UBXN11: variants seen among roughly 807,000 people sequenced by gnomAD.
UBXN11 encodes UBX domain protein 11.
In UBXN11, 47 loss-of-function variants were observed where a neutral mutation model predicts 62.8. That is an observed-to-expected ratio of 0.75 (90% CI 0.59 to 0.95). The LOEUF is 0.95. UBXN11 is among the 40% of genes least tolerant of loss of function. UBXN11 has a pLI of 0.00. For synonymous variants in UBXN11, 294 were observed against 267.0 expected (o/e 1.10, Z -0.99); for missense variants, 638 against 661.7 (o/e 0.96, Z 0.39).
chr1:26,317,134 G>A (rs576784194), intron 1 of UBXN11, among the ~76,000 whole-genome samples: 5 of 151,518 alleles, frequency 3.3e-5, no homozygotes, highest in South Asian at 4.2e-4. Flanking sequence ...CCAGCTATGC[G>A]GGAGGCCAAG....
intron 4 of UBXN11, among the ~76,000 whole-genome samples, chr1:26,300,710 G>C (rs1025266906): frequency 1.3e-5 from 2 of 152,174 alleles, no homozygotes; most frequent in African/African-American, 4.8e-5. Flanking sequence ...CCTGGCCTGG[G>C]GCTGGGGCTG....
chr1:26,284,848 C>T, intron 10 of UBXN11: 1 of 1,032,912 alleles, frequency 9.7e-7, no homozygotes, highest in South Asian at 4.0e-5. Flanking sequence ...ACCTCACTTG[C>T]CTTATCAAGG....
chr1:26,302,891 C>T lies in UBXN11; in HGVS notation c.-8G>A. ...GGCCAAAGGTGAGCTCATAGTTCTA[C>T]TTCTAGAATCCAGCTGTCAGGAACT... On this transcript the variant is annotated 5_prime_UTR_variant, in exon 2 of 15. Transcript: ENST00000374222. 1 of 1,613,564 alleles carries T rather than the reference C, an allele frequency of 6.2e-7. No individual in the cohort carries two copies. Among genetic ancestry groups the T allele is most frequent in the Non-Finnish European group, 8.5e-7 (1 of 1,179,652 alleles).
chr1:26,301,398 ATCTCTTGGCCC>A (rs938488666), intron 3 of UBXN11, among the ~76,000 whole-genome samples: 23 of 152,218 alleles, frequency 1.5e-4, no homozygotes, highest in African/African-American at 5.3e-4. Flanking sequence ...GGGCTGGGTA[ATCTCTTGGCCC>A]TCACTTGGTT....
chr1:26,294,413 C>G (rs1190703151), intron 7 of UBXN11, 82 bp from the exon 8 acceptor site: 1 of 1,557,574 alleles, frequency 6.4e-7, no homozygotes, highest in East Asian at 2.3e-5. Context: ...CAAAGCCCAG[C>G]CTCAGTCTGC....
chr1:26,304,004 C>G (rs1194327531), intron 1 of UBXN11, among the ~76,000 whole-genome samples: 2 of 152,134 alleles, frequency 1.3e-5, no homozygotes, highest in Middle Eastern at 3.2e-3. Context: ...TGATCCGCCC[C>G]CCTCGACCTC....
At chr1:26,284,828 C>A in intron 10 of UBXN11, 1 of 1,060,996 alleles carries the variant, frequency 9.4e-7, no homozygotes, top group Non-Finnish European at 1.1e-6. Flanking sequence ...ACCGCATCAT[C>A]GTACATGTAA....
In UBXN11 at chr1:26,312,979, CA is replaced by C. The variant is rs55777309; in HGVS notation, c.-149+5067del. Among the ~76,000 whole-genome samples, 29 of 48,140 alleles carry C rather than the reference CA, an allele frequency of 6.0e-4. No individual in the cohort carries two copies. The South Asian group carries it at 9.9e-3, about 16-fold the overall frequency. 31.6% of individuals were successfully genotyped at this position (48,140 alleles called of 152,430 possible). ...GGGCAACAAGAGCAAAACTCTGTCT[CA>C]AAAAAAAAAAAAAAAAAAAAAAAAG... On this transcript the variant is annotated intron_variant, in intron 1 of 14. Transcript: ENST00000374217.
chr1:26,307,233 T>G (rs778050005), upstream of UBXN11, among the ~76,000 whole-genome samples: 1 of 152,166 alleles, frequency 6.6e-6, no homozygotes, highest in Non-Finnish European at 1.5e-5. Flanking sequence ...TTGTGTTGGA[T>G]TAGACTCAGT....
chr1:26,292,638 G>A (rs1324546636), intron 8 of UBXN11, among the ~76,000 whole-genome samples: 2 of 152,132 alleles, frequency 1.3e-5, no homozygotes, highest in South Asian at 2.1e-4. Flanking sequence ...GGAAGATCAC[G>A]AGGTTAGGAG....
Position 26,284,932 on chromosome 1 carries a change from G to A in UBXN11, c.853-450C>T, listed in dbSNP as rs534818839. 93 of 1,001,848 alleles carry A rather than the reference G, an allele frequency of 9.3e-5. No homozygotes were observed. The African/African-American group carries it at 1.5e-3, about 16-fold the overall frequency. 62.1% of individuals were successfully genotyped at this position (1,001,848 alleles called of 1,614,324 possible). ...CGTCATGACTCATGCTGTTTCCTGAGCCCTGGTGACACATGCTCCCTCCCG... is the reference window on the plus strand; with the variant it reads ...CGTCATGACTCATGCTGTTTCCTGAACCCTGGTGACACATGCTCCCTCCCG... On this transcript the variant is annotated intron_variant, in intron 10 of 14. Coordinates refer to ENST00000374222, the MANE Select transcript of UBXN11 (RefSeq NM_001389556.1).
intron 12 of UBXN11, among the ~76,000 whole-genome samples, chr1:26,283,862 A>G (rs1185939456): frequency 6.6e-6 from 1 of 152,168 alleles, no homozygotes; most frequent in Non-Finnish European, 1.5e-5. Flanking sequence ...TGAGTTGGAT[A>G]TTTTGGCCTA....
In UBXN11 at chr1:26,298,003, C is replaced by T. The variant is rs2073436909; in HGVS notation, c.259G>A (p.Glu87Lys). 1 of 1,613,932 alleles carries T rather than the reference C, an allele frequency of 6.2e-7. No homozygotes were observed. The highest frequency in any genetic ancestry group is 1.3e-5 in the African/African-American group (1 of 74,932). The change falls in exon 5 of 15, where the codon GAG becomes AAG. Residue 87 changes from glutamate to lysine, a missense_variant. By Grantham distance (56) the Glu-to-Lys change is moderately conservative. Coordinates refer to ENST00000374222, the MANE Select transcript of UBXN11 (RefSeq NM_001389556.1). ...TCAGTCTGGGCCTTCACCTGCTGCT[C>T]CAGGTCCCACAACTTCCTCGTCATG... Reference protein sequence around the residue: ...AFMTRKLWDLEQQVKAQTDEI... With the variant: ...AFMTRKLWDLKQQVKAQTDEI...
chr1:26,290,641 G>A (rs2073240063), intron 8 of UBXN11, among the ~76,000 whole-genome samples: 1 of 152,126 alleles, frequency 6.6e-6, no homozygotes, highest in African/African-American at 2.4e-5. Flanking sequence ...GGAGTCAGGG[G>A]GCCTCCAACC....
exon 1 of UBXN11, chr1:26,318,293 GT>G: frequency 1.8e-6 from 1 of 549,380 alleles, no homozygotes; most frequent in South Asian, 2.3e-5. Context: ...AGAGAAACCT[GT>G]ATCCACAGCT....
intron 1 of UBXN11, among the ~76,000 whole-genome samples, chr1:26,303,630 CA>C (rs5773154): frequency 4.4e-3 from 351 of 80,040 alleles, no homozygotes; most frequent in Middle Eastern, 0.02. Flanking sequence ...AACTCCATCT[CA>C]AAAAAAAAAA....
At chr1:26,285,334 G>A in intron 10 of UBXN11, 130 bp downstream of exon 10, 1 of 1,522,062 alleles carries the variant, frequency 6.6e-7, no homozygotes, top group Admixed American at 2.0e-5. Context: ...TATCCTCCTG[G>A]AGGGCATCAG....
At chr1:26,293,595 A>G (rs1176034792) in intron 8 of UBXN11, among the ~76,000 whole-genome samples, 2 of 151,884 alleles carry the variant, frequency 1.3e-5, no homozygotes, top group Non-Finnish European at 1.5e-5. Flanking sequence ...GTGTGTTGGC[A>G]CACACTTGTA....
intron 8 of UBXN11, among the ~76,000 whole-genome samples, chr1:26,288,620 G>T (rs2073185963): frequency 6.6e-6 from 1 of 152,176 alleles, no homozygotes; most frequent in Non-Finnish European, 1.5e-5. Context: ...TAAGGTCAGA[G>T]GGCAAGTCCT....
Sources: allele counts gnomAD v4.1 joint callset (sites outside exome capture counted in the v4.1 genomes callset), GRCh38; gene constraint gnomAD v4.1.1; transcripts MANE v1.5; gene names NCBI Gene and HGNC (gene_info 2026-07-23, HGNC 2026-07-21).